The following FBXO11 variants were observed in gnomAD, a reference collection of about 807,000 sequenced individuals.
FBXO11 encodes F-box protein 11, also known as F-box only protein 11.
Under a neutral mutation model 117.0 loss-of-function variants are expected in FBXO11, and 13 were observed. That is an observed-to-expected ratio of 0.11 (90% CI 0.07 to 0.18). The LOEUF is 0.18. Among genes scored for constraint, FBXO11 ranks in the 10% least tolerant of loss-of-function variants. The probability of loss-of-function intolerance (pLI) is 1.00; values close to 1 mark genes in which losing one functional copy is unlikely to be tolerated. For missense variants in FBXO11, 767 were observed against 1,164.4 expected (o/e 0.66, Z 4.97); for synonymous variants, 490 against 380.5 (o/e 1.29, Z -3.35).
intron 1 of FBXO11, among the ~76,000 whole-genome samples, chr2:47,857,766 G>A (rs918929054): frequency 1.3e-5 from 2 of 152,126 alleles, no homozygotes; most frequent in Admixed American, 1.3e-4. Flanking sequence ...CAAAGTCATT[G>A]AATGAATATA....
In FBXO11 at chr2:47,806,996, T is replaced by TTC; in HGVS notation, c.*1121_*1122insGA. 3 of 718,260 alleles carry TTC rather than the reference T, an allele frequency of 4.2e-6. No homozygotes were observed. The highest frequency in any genetic ancestry group is 7.3e-6 in the Non-Finnish European group (3 of 411,414). The allele number at this position is 718,260 out of a possible 1,614,324, so 44.5% of individuals were successfully genotyped here. A position where few individuals can be genotyped will look rare whatever the true frequency, so the allele number is the denominator to read the frequency against. ...TTCTAGGAAATTAAACCCTTTTAATTCTTATCTACCTTCTACATAATGGTT... is the reference window on the plus strand; with the variant it reads ...TTCTAGGAAATTAAACCCTTTTAATTTCCTTATCTACCTTCTACATAATGGTT... On this transcript the variant is annotated 3_prime_UTR_variant, in exon 23 of 23. Transcript: ENST00000403359.
chr2:47,809,510 G>C (rs961970568), intron 20 of FBXO11, 90 bp downstream of exon 20: 8 of 922,750 alleles, frequency 8.7e-6, no homozygotes, highest in African/African-American at 5.0e-5. Flanking sequence ...AACTTGGAGA[G>C]TGACATAAGG....
intron 1 of FBXO11, chr2:47,888,655 C>T (rs1169839947): frequency 1.0e-6 from 1 of 982,460 alleles, no homozygotes; most frequent in Admixed American, 6.2e-5. Context: ...TGGAATAACA[C>T]TTAAAATTTC....
At chr2:47,904,703 G>A (rs1476051780) in intron 1 of FBXO11, among the ~76,000 whole-genome samples, 1 of 152,112 alleles carries the variant, frequency 6.6e-6, no homozygotes, top group Non-Finnish European at 1.5e-5. Context: ...GGCATGGGGG[G>A]TCGCTCGGGG....
chr2:47,834,960 T>G (rs1309845297), intron 5 of FBXO11, 89 bp from the exon 6 acceptor site: 1 of 887,220 alleles, frequency 1.1e-6, no homozygotes, highest in East Asian at 2.6e-5. Flanking sequence ...CAACTTTTAT[T>G]ACAAATCAAA....
chr2:47,859,128 A>G (rs1390702073), intron 1 of FBXO11, among the ~76,000 whole-genome samples: 1 of 152,074 alleles, frequency 6.6e-6, no homozygotes, highest in Non-Finnish European at 1.5e-5. Flanking sequence ...ATTTACTTCA[A>G]CTCTTAATGG....
chr2:47,875,928 G>A (rs1045122742), intron 1 of FBXO11, among the ~76,000 whole-genome samples: 1 of 152,162 alleles, frequency 6.6e-6, no homozygotes, highest in Non-Finnish European at 1.5e-5. Flanking sequence ...AAAAGCAGCA[G>A]CAGCAGCAAA....
At chr2:47,809,129 T>C (rs1171413283) in intron 21 of FBXO11, 29 bp downstream of exon 21, 1 of 1,372,848 alleles carries the variant, frequency 7.3e-7, no homozygotes, top group South Asian at 1.2e-5. Flanking sequence ...TCTTCCTCTT[T>C]TCAGGACTCA....
chr2:47,856,305 T>C (rs902325116), intron 1 of FBXO11, among the ~76,000 whole-genome samples: 2 of 152,148 alleles, frequency 1.3e-5, no homozygotes, highest in Non-Finnish European at 2.9e-5. Flanking sequence ...CAATCTTTCT[T>C]AAGAAATTAC....
At chr2:47,865,676 A>G (rs1186453811) in intron 1 of FBXO11, 1 of 152,244 alleles carries the variant, frequency 6.6e-6, no homozygotes, top group Admixed American at 6.5e-5. Context: ...CATACAAAGT[A>G]AAAACACTCT....
intron 1 of FBXO11, among the ~76,000 whole-genome samples, chr2:47,861,495 T>C (rs114973742): frequency 6.6e-6 from 1 of 151,808 alleles, no homozygotes; most frequent in African/African-American, 2.4e-5. Context: ...ATTAAAAAAA[T>C]TTTTTTTGGA....
At chr2:47,824,111 G>A (rs1440583969) in intron 11 of FBXO11, among the ~76,000 whole-genome samples, 1 of 152,196 alleles carries the variant, frequency 6.6e-6, no homozygotes, top group Non-Finnish European at 1.5e-5. Context: ...GATAAATGTA[G>A]ACGAATACCA....
rs373020092 is a variant in FBXO11 at position 47,832,792 on chromosome 2, C to G, written c.1130G>C (p.Cys377Ser). 5.6e-6 allele frequency: 9 copies of G among 1,613,310 alleles called. No homozygotes were observed. In the African/African-American group the frequency reaches 1.2e-4, roughly 22 times the overall value. Residue 377 changes from cysteine (C) to serine (S), a missense_variant, in exon 9 of 23, where the codon TGT becomes TCT. Transcript: ENST00000403359. ...ACCTGTACATGTACTTCGGATGATA[C>G]AGTGATCAATAATAGGGCTACAATT... ...TVNCSPIIDH[C>S]IIRSTCTVGS...
At chr2:47,866,258 A>G (rs889840967) in intron 1 of FBXO11, among the ~76,000 whole-genome samples, 4 of 151,752 alleles carry the variant, frequency 2.6e-5, no homozygotes, top group African/African-American at 9.7e-5. Context: ...AAAAAAAAAA[A>G]AAAAAAAAAG....
At chr2:47,899,332 T>C (rs1308470028) in intron 1 of FBXO11, among the ~76,000 whole-genome samples, 2 of 151,794 alleles carry the variant, frequency 1.3e-5, no homozygotes. Flanking sequence ...TTCTCTGAGG[T>C]TGTAACAAGT....
chr2:47,859,452 T>C (rs1232724935), intron 1 of FBXO11, among the ~76,000 whole-genome samples: 1 of 152,310 alleles, frequency 6.6e-6, no homozygotes, highest in African/African-American at 2.4e-5. Context: ...CACCGATTGG[T>C]GCTGTGAAGA....
At chr2:47,903,939 A>G (rs547772510) in intron 1 of FBXO11, among the ~76,000 whole-genome samples, 20 of 152,250 alleles carry the variant, frequency 1.3e-4, no homozygotes, top group Non-Finnish European at 2.6e-4. Context: ...TCAAAGAAAT[A>G]AAACACTTTT....
chr2:47,830,703 T>C (rs182507463), intron 11 of FBXO11, among the ~76,000 whole-genome samples: 2 of 152,354 alleles, frequency 1.3e-5, no homozygotes, highest in African/African-American at 2.4e-5. Flanking sequence ...CCAAATCTAT[T>C]CTTTAAAATG....
At position 47,809,571 on chromosome 2, in the gene FBXO11, ATTTATAGG is replaced by A. The variant is rs747303426; in HGVS notation, c.2446+21_2446+28del. 6 of 1,475,140 alleles carry A rather than the reference ATTTATAGG, an allele frequency of 4.1e-6. No individual in the cohort carries two copies. In the African/African-American group the frequency reaches 8.4e-5, roughly 21 times the overall value. The allele number at this position is 1,475,140 out of a possible 1,614,324, so 91.4% of individuals were successfully genotyped here. Reference sequence around the variant, plus strand: ...TTATCTTTCATGGCATATTGCATATATTTATAGGTATAGCAGACTCCAACATACCTTTC... The same window carrying A: ...TTATCTTTCATGGCATATTGCATATATATAGCAGACTCCAACATACCTTTC... On this transcript the variant is annotated intron_variant, in intron 20 of 22. Transcript: ENST00000403359.
Sources: allele counts gnomAD v4.1 joint callset (sites outside exome capture counted in the v4.1 genomes callset), GRCh38; gene constraint gnomAD v4.1.1; transcripts MANE v1.5; gene names NCBI Gene and HGNC (gene_info 2026-07-23, HGNC 2026-07-21).